AKR1C3: variants seen among roughly 807,000 people sequenced by gnomAD.
The protein encoded by AKR1C3 is 3-alpha hydroxysteroid dehydrogenase, type II.
In AKR1C3, 48 loss-of-function variants were observed where a neutral mutation model predicts 43.6. The observed-to-expected ratio is 1.10, with a 90% CI of 0.87 to 1.40. The LOEUF is 1.40. AKR1C3 is among the 40% of genes most tolerant of loss of function. The pLI is 0.00. For missense variants in AKR1C3, 482 were observed against 391.2 expected, an observed-to-expected ratio of 1.23 and a Z score of -1.96; for synonymous variants, 162 against 139.6, an observed-to-expected ratio of 1.16 and a Z score of -1.13.
rs567780043 is a variant in AKR1C3, at chr10:5,070,462, G to A, written c.84+21567G>A. ...GGGCCTCGTTACAGAATTTGTGGGGGTTTAAATACTCTCTAGGGATTTTCA... is the reference window on the plus strand; with the variant it reads ...GGGCCTCGTTACAGAATTTGTGGGGATTTAAATACTCTCTAGGGATTTTCA... On this transcript the variant is annotated intron_variant, in intron 1 of 8. Transcript: ENST00000439082. Among the ~76,000 whole-genome samples the A allele has an allele frequency of 2.6e-4, 39 of 152,338 alleles. No homozygotes were observed. In the South Asian group the frequency reaches 7.2e-3, roughly 28 times the overall value.
intron 7 of AKR1C3, chr10:5,105,280 CATGACCCTATCATGTGGGCACAAT>C (rs1247278350): frequency 2.0e-5 from 4 of 196,640 alleles, no homozygotes; most frequent in Admixed American, 5.8e-5. Flanking sequence ...CTTCTAGGTA[CATGACCCTATCATGTGGGCACAAT>C]GTGACCCTAT....
chr10:5,104,772 AAACC>A, intron 7 of AKR1C3, among the ~76,000 whole-genome samples: 1 of 152,156 alleles, frequency 6.6e-6, no homozygotes, highest in South Asian at 2.1e-4. Context: ...ATTCTCCATT[AAACC>A]ATATGTATTT....
chr10:5,057,525 AC>A (rs1431112322), intron 1 of AKR1C3, among the ~76,000 whole-genome samples: 2 of 152,126 alleles, frequency 1.3e-5, no homozygotes, highest in African/African-American at 4.8e-5. Flanking sequence ...GATTTGGGTG[AC>A]GGGAGTATAA....
chr10:5,067,070 A>G (rs2096422), intron 1 of AKR1C3, among the ~76,000 whole-genome samples: 48,775 of 152,062 alleles, frequency 0.32, 7,979 homozygotes, highest in East Asian at 0.41. Flanking sequence ...TTGAATGATT[A>G]TTAGGCAACA....
chr10:5,073,524 T>C (rs1395460661), intron 1 of AKR1C3, among the ~76,000 whole-genome samples: 2 of 152,112 alleles, frequency 1.3e-5, no homozygotes, highest in East Asian at 1.9e-4. Flanking sequence ...ACATCCACTG[T>C]CCTGAGCACA....
At chr10:5,089,085 G>A (rs372921245) in intron 1 of AKR1C3, among the ~76,000 whole-genome samples, 12 of 152,034 alleles carry the variant, frequency 7.9e-5, no homozygotes, top group South Asian at 6.2e-4. Context: ...AATATCTTCC[G>A]ACTTTTAGGT....
intron 1 of AKR1C3, among the ~76,000 whole-genome samples, chr10:5,094,974 TG>T (rs764305305): frequency 6.6e-6 from 1 of 152,146 alleles, no homozygotes; most frequent in Non-Finnish European, 1.5e-5. Flanking sequence ...AGAGTATCAC[TG>T]TTCTGATGGG....
At chr10:5,097,571 T>C (rs782495340) in intron 3 of AKR1C3, 21 bp downstream of exon 3, 10 of 1,612,910 alleles carry the variant, frequency 6.2e-6, no homozygotes, top group South Asian at 1.1e-5. Flanking sequence ...TGTATGAGCA[T>C]AAAATTGCGC....
intron 4 of AKR1C3, 54 bp from the exon 5 acceptor site, chr10:5,099,273 C>T (rs902140397): frequency 1.5e-5 from 24 of 1,611,588 alleles, no homozygotes; most frequent in African/African-American, 4.0e-5. Flanking sequence ...CTTGCATTTA[C>T]CGTGATTTGC....
chr10:5,069,542 T>G (rs1260583481), intron 1 of AKR1C3, among the ~76,000 whole-genome samples: 1 of 152,108 alleles, frequency 6.6e-6, no homozygotes, highest in Non-Finnish European at 1.5e-5. Context: ...ACTAGAATTC[T>G]TATCCTTATA....
chr10:5,057,917 C>T (rs1372905498), intron 1 of AKR1C3, among the ~76,000 whole-genome samples: 2 of 152,142 alleles, frequency 1.3e-5, no homozygotes, highest in African/African-American at 4.8e-5. Context: ...AAAGGTTTGC[C>T]CTAGACCCTG....
At chr10:5,105,098 C>T (rs1272952819) in intron 7 of AKR1C3, among the ~76,000 whole-genome samples, 1 of 152,102 alleles carries the variant, frequency 6.6e-6, no homozygotes, top group Non-Finnish European at 1.5e-5. Context: ...TATCTGTTTC[C>T]TTTAGACATG....
upstream of AKR1C3, among the ~76,000 whole-genome samples, chr10:5,090,017 T>A (rs192996006): frequency 2.9e-4 from 44 of 152,306 alleles, no homozygotes; most frequent in African/African-American, 1.0e-3. Flanking sequence ...GGTAGGTTTT[T>A]ACATTGAGTT....
At chr10:5,084,635 G>A (rs1321341632) in intron 1 of AKR1C3, among the ~76,000 whole-genome samples, 1 of 152,072 alleles carries the variant, frequency 6.6e-6, no homozygotes. Flanking sequence ...TAGCTTGATG[G>A]GGATGGCATT....
rs1554787556 is a variant in AKR1C3, at chr10:5,107,554, A to G, written c.*51A>G. On this transcript the variant is annotated 3_prime_UTR_variant, in exon 9 of 9. Transcript: ENST00000380554. ...CCAGAAGCCCTGTGTGTGGATGGTG[A>G]CGCAGAGGACGTCTCTATGCCGGTG... The G allele has an allele frequency of 7.1e-7, 1 of 1,412,530 alleles. No homozygotes were observed. Among genetic ancestry groups the G allele is most frequent in the Non-Finnish European group, 1.0e-6 (1 of 1,001,884 alleles). 87.5% of individuals were successfully genotyped at this position (1,412,530 alleles called of 1,614,324 possible). A position where few individuals can be genotyped will look rare whatever the true frequency, so the allele number is the denominator to read the frequency against.
chr10:5,053,356 C>G (rs971103341), intron 1 of AKR1C3, among the ~76,000 whole-genome samples: 15 of 152,224 alleles, frequency 9.9e-5, no homozygotes. Flanking sequence ...TGCTAAGCCC[C>G]TCACTGCCCT....
chr10:5,101,053 C>G (rs563239425), intron 5 of AKR1C3, among the ~76,000 whole-genome samples: 2 of 152,134 alleles, frequency 1.3e-5, no homozygotes, highest in Non-Finnish European at 2.9e-5. Flanking sequence ...TCTAAGGAAA[C>G]GAACTGCAAT....
chr10:5,093,037 G>T (rs1396948129), upstream of AKR1C3, among the ~76,000 whole-genome samples: 2 of 151,984 alleles, frequency 1.3e-5, no homozygotes, highest in Non-Finnish European at 2.9e-5. Flanking sequence ...ACTTGTATCT[G>T]CCTGGACTGT....
intron 8 of AKR1C3, among the ~76,000 whole-genome samples, chr10:5,105,879 C>G (rs1404375723): frequency 6.6e-6 from 1 of 152,146 alleles, no homozygotes; most frequent in Non-Finnish European, 1.5e-5. Flanking sequence ...CAACCTGTGC[C>G]TCTGCTCTCC....
Sources: allele counts gnomAD v4.1 joint callset (sites outside exome capture counted in the v4.1 genomes callset), GRCh38; gene constraint gnomAD v4.1.1; transcripts MANE v1.5; gene names NCBI Gene and HGNC (gene_info 2026-07-23, HGNC 2026-07-21).